Variants in C12orf42 observed in about 807,000 individuals in gnomAD.
C12orf42 encodes the protein uncharacterized protein C12orf42.
Under a neutral mutation model 21.6 loss-of-function variants are expected in C12orf42, and 25 were observed. The observed-to-expected ratio is 1.16, with a 90% CI of 0.84 to 1.62. The LOEUF is 1.62. C12orf42 is among the 40% of genes most tolerant of loss of function. The pLI is 0.00. For synonymous variants in C12orf42, 174 were observed against 175.0 expected (o/e 0.99, Z 0.05); for missense variants, 483 against 459.3 (o/e 1.05, Z -0.47).
At chr12:103,495,459 C>CGGGCGGCGGCGAGCCGGCCGGGTGGGGA (rs1955467489) in intron 1 of C12orf42, among the ~76,000 whole-genome samples, 1 of 150,942 alleles carries the variant, frequency 6.6e-6, no homozygotes, top group Admixed American at 6.6e-5. Context: ...TATTAGCATG[C>CGGGCGGCGGCGAGCCGGCCGGGTGGGGA]GGGCGGCGGC....
chr12:103,177,122 GA>G, the C12orf42 span, among the ~76,000 whole-genome samples: 69,338 of 149,690 alleles, frequency 0.46, 16,017 homozygotes, highest in East Asian at 0.53. Flanking sequence ...AAGGCAAATG[GA>G]AAAAAAAAAA....
intron 4 of C12orf42, among the ~76,000 whole-genome samples, chr12:103,293,802 G>T (rs2036973255): frequency 6.6e-6 from 1 of 152,128 alleles, no homozygotes; most frequent in African/African-American, 2.4e-5. Context: ...TCCCCAGAGT[G>T]AGAATACTCA....
the C12orf42 span, among the ~76,000 whole-genome samples, chr12:103,223,662 G>A: frequency 6.6e-6 from 1 of 152,200 alleles, no homozygotes; most frequent in African/African-American, 2.4e-5. Flanking sequence ...GTGAATAGGA[G>A]TATGACTAGA....
At chr12:103,451,981 G>T (rs186188607) in intron 2 of C12orf42, among the ~76,000 whole-genome samples, 1 of 151,828 alleles carries the variant, frequency 6.6e-6, no homozygotes, top group South Asian at 2.1e-4. Flanking sequence ...ACCCTAAAAC[G>T]CAATGACTTA....
At chr12:103,085,541 AT>A in the C12orf42 span, among the ~76,000 whole-genome samples, 1,934 of 142,696 alleles carry the variant, frequency 0.014, 18 homozygotes, top group African/African-American at 0.033. Context: ...GAATGAAAAG[AT>A]TTTTTTTTTT....
At chr12:103,463,032 A>G (rs769932930) in intron 2 of C12orf42, among the ~76,000 whole-genome samples, 7 of 152,194 alleles carry the variant, frequency 4.6e-5, no homozygotes, top group Non-Finnish European at 8.8e-5. Flanking sequence ...TATTAATGAA[A>G]CTATTCCCTC....
In C12orf42 at chr12:103,305,957, C is replaced by G; in HGVS notation, c.631+17G>C. The G allele has an allele frequency of 6.3e-7, 1 of 1,581,700 alleles. No homozygotes were observed. Reference sequence around the variant, plus strand: ...AGTTGAAACAAGAAGAGTCAGTAACCACAACATGATACTTACCAGAATTTT... The same window carrying G: ...AGTTGAAACAAGAAGAGTCAGTAACGACAACATGATACTTACCAGAATTTT... On this transcript the variant is annotated intron_variant, in intron 5 of 5. Coordinates refer to ENST00000548883, the MANE Select transcript of C12orf42 (RefSeq NM_198521.5).
intron 4 of C12orf42, among the ~76,000 whole-genome samples, chr12:103,324,297 A>G (rs989942572): frequency 6.6e-6 from 1 of 152,228 alleles, no homozygotes; most frequent in Non-Finnish European, 1.5e-5. Flanking sequence ...AGAGTAGAAG[A>G]AGAGATAATA....
At chr12:103,122,190 T>C in the C12orf42 span, among the ~76,000 whole-genome samples, 1 of 152,226 alleles carries the variant, frequency 6.6e-6, no homozygotes, top group Non-Finnish European at 1.5e-5. Flanking sequence ...TGATTTTCCA[T>C]TTCCCCAACT....
chr12:103,292,302 G>T (rs539447039), intron 4 of C12orf42, among the ~76,000 whole-genome samples: 1 of 152,094 alleles, frequency 6.6e-6, no homozygotes, highest in South Asian at 2.1e-4. Context: ...AGGGTACAGG[G>T]TTTCTATTCA....
intron 4 of C12orf42, among the ~76,000 whole-genome samples, chr12:103,294,474 T>TAAATAAGC (rs1566025525): frequency 1.4e-4 from 11 of 79,980 alleles, no homozygotes; most frequent in Non-Finnish European, 2.0e-4. Context: ...AAGAAAGAAA[T>TAAATAAGC]AAGCAAGCAA....
intron 2 of C12orf42, among the ~76,000 whole-genome samples, chr12:103,462,186 C>A (rs1013421272): frequency 2.2e-5 from 3 of 134,732 alleles, no homozygotes; most frequent in African/African-American, 8.3e-5. Flanking sequence ...CCACTCACTG[C>A]AACCTCCGCC....
chr12:103,167,891 TG>T, the C12orf42 span: 1 of 287,520 alleles, frequency 3.5e-6, no homozygotes, highest in East Asian at 1.3e-4. Flanking sequence ...TGTGTGTGTG[TG>T]TGTGTGTGTG....
chr12:103,367,768 C>T (rs9669355), intron 4 of C12orf42, among the ~76,000 whole-genome samples: 53,643 of 151,342 alleles, frequency 0.35, 10,962 homozygotes, highest in African/African-American at 0.57. Flanking sequence ...AATGTATTAT[C>T]CCCCCCCAAA....
chr12:103,426,832 C>G lies in C12orf42; in HGVS notation c.79-25157G>C, dbSNP rs12304442. ...CATTCTTAAAGAAAAGAATTTTCAA[C>G]CCAGAATTTCATATCCAGCCAAACT... On this transcript the variant is annotated intron_variant, in intron 2 of 5. Transcript: ENST00000548883. 6.7e-3 allele frequency among the ~76,000 whole-genome samples: 1,023 copies of G among 152,238 alleles called. 8 individuals are homozygous for G. The highest frequency in any genetic ancestry group is 0.022 in the African/African-American group (929 of 41,532).
At chr12:103,372,920 A>T (rs900037471) in intron 3 of C12orf42, among the ~76,000 whole-genome samples, 1 of 152,148 alleles carries the variant, frequency 6.6e-6, no homozygotes, top group African/African-American at 2.4e-5. Context: ...ATTATATTCA[A>T]ACTGCACCTT....
chr12:103,313,957 C>T (rs2039215073), intron 4 of C12orf42, among the ~76,000 whole-genome samples: 1 of 152,048 alleles, frequency 6.6e-6, no homozygotes, highest in East Asian at 1.9e-4. Flanking sequence ...AAAAGCAGGC[C>T]ACAGTTACAT....
At chr12:103,216,100 C>G in the C12orf42 span, among the ~76,000 whole-genome samples, 1 of 151,186 alleles carries the variant, frequency 6.6e-6, no homozygotes, top group Non-Finnish European at 1.5e-5. Flanking sequence ...AGTTTGGACT[C>G]TCTGGCATAC....
intron 3 of C12orf42, among the ~76,000 whole-genome samples, chr12:103,382,910 C>T (rs1461706360): frequency 1.3e-5 from 2 of 152,144 alleles, no homozygotes; most frequent in Non-Finnish European, 2.9e-5. Context: ...CTTCTCTATA[C>T]CCATCACTGA....
Sources: gnomAD v4.1 joint callset for allele counts (sites outside exome capture counted in the v4.1 genomes callset) on GRCh38, gnomAD v4.1.1 for gene constraint, MANE v1.5 for transcripts, NCBI Gene and HGNC (gene_info 2026-07-23, HGNC 2026-07-21) for gene names.